Variants in CTNND2 observed in about 807,000 individuals in gnomAD.
CTNND2 encodes the protein catenin delta 2.
CTNND2 carries 22 observed loss-of-function variants against 144.4 expected under a neutral mutation model. The ratio of observed to expected loss-of-function variants is 0.15; its 90% CI spans 0.11 to 0.22. The LOEUF (loss-of-function observed/expected upper bound fraction) is 0.22. Among genes scored for constraint, CTNND2 ranks in the 10% least tolerant of loss-of-function variants. CTNND2 has a pLI of 1.00. For synonymous variants in CTNND2, 751 were observed against 695.6 expected (o/e 1.08, Z -1.25); for missense variants, 1,353 against 1,618.8 (o/e 0.84, Z 2.82).
chr5:11,518,428 C>T (rs1426852963), intron 3 of CTNND2, among the ~76,000 whole-genome samples: 3 of 152,106 alleles, frequency 2.0e-5, no homozygotes, highest in Non-Finnish European at 2.9e-5. Flanking sequence ...AGCCTAATTA[C>T]AGTAAGGTTA....
intron 2 of CTNND2, among the ~76,000 whole-genome samples, chr5:11,663,875 TAAA>T (rs1259169660): frequency 6.6e-6 from 1 of 152,208 alleles, no homozygotes; most frequent in African/African-American, 2.4e-5. Flanking sequence ...ATTATGCTTC[TAAA>T]TTATATTAGT....
At chr5:11,587,222 G>GTGGAAAAC (rs1165807384) in intron 2 of CTNND2, among the ~76,000 whole-genome samples, 1 of 152,080 alleles carries the variant, frequency 6.6e-6, no homozygotes, top group African/African-American at 2.4e-5. Context: ...TACAGTCAAT[G>GTGGAAAAC]TGGAAAACAC....
chr5:11,756,355 C>G (rs577631379), intron 1 of CTNND2, among the ~76,000 whole-genome samples: 1 of 151,724 alleles, frequency 6.6e-6, no homozygotes, highest in South Asian at 2.1e-4. Context: ...ATAATCACCT[C>G]TAAGTATTTT....
intron 21 of CTNND2, among the ~76,000 whole-genome samples, chr5:10,974,334 A>T (rs1349002740): frequency 2.6e-5 from 4 of 152,214 alleles, no homozygotes; most frequent in Non-Finnish European, 5.9e-5. Context: ...GAATGCACTG[A>T]AGGCCATGAC....
chr5:11,604,466 C>T (rs937465654), intron 2 of CTNND2, among the ~76,000 whole-genome samples: 4 of 152,180 alleles, frequency 2.6e-5, no homozygotes, highest in African/African-American at 7.2e-5. Flanking sequence ...TGTCAAGCCC[C>T]GAAGCTGATG....
At chr5:11,322,330 GCAGACGTATCTTACT>G (rs1264955927) in intron 9 of CTNND2, among the ~76,000 whole-genome samples, 2 of 152,132 alleles carry the variant, frequency 1.3e-5, no homozygotes, top group Non-Finnish European at 2.9e-5. Context: ...TCTTGAAGAT[GCAGACGTATCTTACT>G]CATCTTGGTA....
intron 10 of CTNND2, among the ~76,000 whole-genome samples, chr5:11,225,631 A>G (rs1423160352): frequency 6.6e-6 from 1 of 152,184 alleles, no homozygotes; most frequent in Non-Finnish European, 1.5e-5. Context: ...TTCTCCTCTG[A>G]TATTAATAAT....
rs531495333 is a variant in CTNND2 at position 11,514,948 on chromosome 5, C to T, written c.287+49996G>A. Among the ~76,000 whole-genome samples, 11 of 152,234 alleles carry T rather than the reference C, an allele frequency of 7.2e-5. No individual in the cohort carries two copies. The South Asian group carries it at 2.3e-3, about 32-fold the overall frequency. On this transcript the variant is annotated intron_variant, in intron 3 of 21. Coordinates refer to ENST00000304623, the MANE Select transcript of CTNND2 (RefSeq NM_001332.4). ...TTGAGTAGCTGGGATTACAGGTGCA[C>T]ACCACATTTCTATAAAAACATGCAA... is the stretch of plus-strand genomic sequence containing the variant.
chr5:11,347,893 A>G (rs1754954112), intron 8 of CTNND2, among the ~76,000 whole-genome samples: 1 of 152,228 alleles, frequency 6.6e-6, no homozygotes, highest in Non-Finnish European at 1.5e-5. Flanking sequence ...AGGTAAGGAA[A>G]TTGTGTCGAA....
At chr5:11,068,442 C>T (rs551900831) in intron 16 of CTNND2, among the ~76,000 whole-genome samples, 1 of 152,134 alleles carries the variant, frequency 6.6e-6, no homozygotes, top group East Asian at 1.9e-4. Context: ...GTGATGTGTT[C>T]AAGTTAAGGA....
intron 3 of CTNND2, among the ~76,000 whole-genome samples, chr5:11,456,932 C>A (rs761469631): frequency 3.9e-5 from 6 of 152,088 alleles, no homozygotes; most frequent in Admixed American, 6.5e-5. Flanking sequence ...ATTTTTATCA[C>A]CAGCAGCATA....
At chr5:11,212,459 G>C (rs906192876) in intron 10 of CTNND2, among the ~76,000 whole-genome samples, 6 of 152,216 alleles carry the variant, frequency 3.9e-5, no homozygotes, top group African/African-American at 1.4e-4. Context: ...GCTTTTTAAA[G>C]TTGAGAGCAC....
intron 21 of CTNND2, among the ~76,000 whole-genome samples, 165 bp downstream of exon 21, chr5:10,981,604 CACAG>C (rs1056263995): frequency 9.9e-5 from 15 of 151,580 alleles, no homozygotes; most frequent in African/African-American, 3.2e-4. Flanking sequence ...CACACACACA[CACAG>C]AGACACACAC....
intron 18 of CTNND2, among the ~76,000 whole-genome samples, chr5:11,006,005 A>C (rs1293095793): frequency 1.3e-5 from 2 of 152,166 alleles, no homozygotes; most frequent in African/African-American, 4.8e-5. Flanking sequence ...TTGTGAAGGG[A>C]TCTTGCCTAT....
rs747653705 is a variant in CTNND2, at chr5:11,159,661, C to T, written c.2074G>A (p.Gly692Ser). ...LTNAVIIPHSGWENSPLQDDR... is the reference protein window; with the variant it reads ...LTNAVIIPHSSWENSPLQDDR... ...TCCTGAAGAGGCGAATTTTCCCAGC[C>T]TGAGTGGGGGATAATCACCGCGTTG... The change falls in exon 12 of 22, where the codon GGC becomes AGC. Residue 692 changes from glycine (G) to serine (S), a missense_variant. Physicochemically the swap from Gly to Ser is moderately conservative, Grantham distance 56. This residue lies in a region of CTNND2 where 117 missense variants were observed against 117.8 expected (regional missense o/e 0.99). Transcript: ENST00000304623. 2 of 1,613,662 alleles carry T rather than the reference C, an allele frequency of 1.2e-6. No individual in the cohort carries two copies. The highest frequency in any genetic ancestry group is 2.2e-5 in the East Asian group (1 of 44,842).
chr5:11,891,532 C>G (rs1395748601), intron 1 of CTNND2, among the ~76,000 whole-genome samples: 1 of 152,052 alleles, frequency 6.6e-6, no homozygotes, highest in Non-Finnish European at 1.5e-5. Context: ...AATGGGACCC[C>G]CGGAAGGTAA....
intron 1 of CTNND2, among the ~76,000 whole-genome samples, chr5:11,848,312 A>G (rs1367950124): frequency 1.3e-5 from 2 of 152,192 alleles, no homozygotes; most frequent in Admixed American, 6.5e-5. Context: ...GGCATGGACA[A>G]ATACAACTAG....
At chr5:11,149,431 A>G (rs1430647547) in intron 12 of CTNND2, among the ~76,000 whole-genome samples, 1 of 152,218 alleles carries the variant, frequency 6.6e-6, no homozygotes, top group Non-Finnish European at 1.5e-5. Flanking sequence ...GGGATGATTC[A>G]TCAGCTGGCC....
chr5:11,202,430 ATAAG>A (rs1737548029), intron 10 of CTNND2, among the ~76,000 whole-genome samples: 1 of 152,242 alleles, frequency 6.6e-6, no homozygotes, highest in African/African-American at 2.4e-5. Context: ...TTAGATAAAC[ATAAG>A]TAAGTCAATT....
Sources: allele counts gnomAD v4.1 joint callset (sites outside exome capture counted in the v4.1 genomes callset), GRCh38; gene constraint gnomAD v4.1.1; regional missense constraint gnomAD v4.1.1; transcripts MANE v1.5; gene names NCBI Gene and HGNC (gene_info 2026-07-23, HGNC 2026-07-21).